Variants in TENM3 observed in about 807,000 individuals in gnomAD.
The protein encoded by TENM3 is teneurin-3.
A neutral mutation model predicts 255.1 loss-of-function variants in TENM3; 63 were observed. The observed-to-expected ratio is 0.25, with a 90% CI of 0.20 to 0.30. TENM3 has a LOEUF of 0.30. Ranked by LOEUF, TENM3 falls within the 10% of genes least tolerant of loss-of-function variation. The probability of loss-of-function intolerance (pLI) is 1.00; values close to 1 mark genes in which losing one functional copy is unlikely to be tolerated. For synonymous variants in TENM3, 1,306 were observed against 1,322.3 expected, an observed-to-expected ratio of 0.99 and a Z score of 0.27; for missense variants, 2,929 against 3,461.1, an observed-to-expected ratio of 0.85 and a Z score of 3.86.
At chr4:182,732,606 G>C (rs1276404415) in intron 16 of TENM3, among the ~76,000 whole-genome samples, 1 of 152,162 alleles carries the variant, frequency 6.6e-6, no homozygotes, top group African/African-American at 2.4e-5. Context: ...CAGGAGGATG[G>C]ATCGAGCCCA....
chr4:182,244,288 G>T (rs972749563), intron 1 of TENM3, among the ~76,000 whole-genome samples: 1 of 152,100 alleles, frequency 6.6e-6, no homozygotes, highest in African/African-American at 2.4e-5. Flanking sequence ...ATAACCCAGG[G>T]TATTAGACCA....
At chr4:181,611,094 T>C in the TENM3 span, among the ~76,000 whole-genome samples, 3 of 152,188 alleles carry the variant, frequency 2.0e-5, no homozygotes, top group Non-Finnish European at 4.4e-5. Flanking sequence ...CTAAGGAACA[T>C]GTTGTGCCAT....
intron 19 of TENM3, among the ~76,000 whole-genome samples, chr4:182,744,853 G>A (rs936201734): frequency 6.6e-6 from 1 of 152,176 alleles, no homozygotes; most frequent in East Asian, 1.9e-4. Flanking sequence ...ACTCAGAAGT[G>A]TTTCATGTCT....
intron 4 of TENM3, among the ~76,000 whole-genome samples, chr4:182,615,271 A>G (rs976822978): frequency 6.7e-6 from 1 of 149,658 alleles, no homozygotes; most frequent in African/African-American, 2.4e-5. Flanking sequence ...AGTTGAAACA[A>G]GGCTTTTAGA....
chr4:181,751,228 G>C, the TENM3 span, among the ~76,000 whole-genome samples: 2,191 of 152,162 alleles, frequency 0.014, 54 homozygotes, highest in African/African-American at 0.049. Flanking sequence ...TGCGGGGTTA[G>C]GGTTAATTTA....
chr4:182,175,136 G>C (rs1342578689), intron 1 of TENM3, among the ~76,000 whole-genome samples: 1 of 151,712 alleles, frequency 6.6e-6, no homozygotes, highest in African/African-American at 2.4e-5. Context: ...TTTTCACTGT[G>C]TCAGAAATTA....
At chr4:181,782,710 T>C in the TENM3 span, among the ~76,000 whole-genome samples, 3 of 152,094 alleles carry the variant, frequency 2.0e-5, no homozygotes, top group Admixed American at 2.0e-4. Flanking sequence ...TAATTGTGAC[T>C]TTAGGGTGTC....
At chr4:182,359,125 A>G (rs1269905399) in intron 3 of TENM3, among the ~76,000 whole-genome samples, 1 of 152,014 alleles carries the variant, frequency 6.6e-6, no homozygotes, top group Non-Finnish European at 1.5e-5. Context: ...GTTTGCCGGT[A>G]TTTTATTGAG....
intron 3 of TENM3, among the ~76,000 whole-genome samples, chr4:182,541,204 T>A (rs1445765240): frequency 6.6e-6 from 1 of 152,178 alleles, no homozygotes; most frequent in Non-Finnish European, 1.5e-5. Context: ...ATGGTGTTTT[T>A]GAAAAACTGA....
In TENM3 at chr4:182,372,948, C is replaced by T. The variant is rs187147745; in HGVS notation, c.511+26019C>T. Among the ~76,000 whole-genome samples, 3 of 152,164 alleles carry T rather than the reference C, an allele frequency of 2.0e-5. No homozygotes were observed. In the East Asian group the frequency reaches 5.8e-4, roughly 30 times the overall value. ...AGAGATGAGGTTTCACCAGGTTGCT[C>T]AGGCTGGTCTCAAACTCCCGAACTC... On this transcript the variant is annotated intron_variant, in intron 3 of 27. Transcript: ENST00000511685.
the TENM3 span, among the ~76,000 whole-genome samples, chr4:181,581,398 G>C: frequency 6.6e-6 from 1 of 152,084 alleles, no homozygotes; most frequent in Non-Finnish European, 1.5e-5. Flanking sequence ...CCGAGATAGT[G>C]CCACTGCCCT....
At chr4:182,710,130 C>A (rs571303027) in intron 12 of TENM3, among the ~76,000 whole-genome samples, 54 of 152,246 alleles carry the variant, frequency 3.5e-4, no homozygotes, top group African/African-American at 1.3e-3. Flanking sequence ...GCAGGCCTAA[C>A]GTAAAAGCAA....
the TENM3 span, among the ~76,000 whole-genome samples, chr4:181,507,132 A>G: frequency 6.6e-6 from 1 of 152,166 alleles, no homozygotes; most frequent in Non-Finnish European, 1.5e-5. Context: ...CCAGCCTTAC[A>G]GTTTTTCAAT....
At chr4:182,007,380 GA>G in the TENM3 span, among the ~76,000 whole-genome samples, 2 of 152,120 alleles carry the variant, frequency 1.3e-5, no homozygotes, top group South Asian at 4.1e-4. Flanking sequence ...AGGTCTCTAA[GA>G]ACCTGTTTTA....
the TENM3 span, among the ~76,000 whole-genome samples, chr4:181,582,226 A>G: frequency 2.6e-5 from 4 of 152,140 alleles, no homozygotes; most frequent in Non-Finnish European, 4.4e-5. Context: ...TGCATAGGGC[A>G]CGGGCCTGTC....
intron 12 of TENM3, among the ~76,000 whole-genome samples, chr4:182,702,568 A>G (rs1392450905): frequency 3.9e-5 from 6 of 152,162 alleles, no homozygotes; most frequent in Non-Finnish European, 7.3e-5. Context: ...CTAAGGCCCA[A>G]TGCAAACTGT....
chr4:181,860,274 A>T, the TENM3 span, among the ~76,000 whole-genome samples: 58 of 152,244 alleles, frequency 3.8e-4, 1 homozygote, highest in African/African-American at 1.2e-3. Flanking sequence ...GCACAGGGCC[A>T]TTGCTTAATT....
At chr4:182,085,071 C>A in the TENM3 span, 1 of 152,240 alleles carries the variant, frequency 6.6e-6, no homozygotes, top group Non-Finnish European at 1.5e-5. Context: ...TGTTTGCCAT[C>A]CATAAAGAAA....
At chr4:181,459,907 A>G in the TENM3 span, among the ~76,000 whole-genome samples, 3 of 151,946 alleles carry the variant, frequency 2.0e-5, no homozygotes, top group Non-Finnish European at 4.4e-5. Context: ...GGGAAAATTG[A>G]CACATCAACG....
Sources: allele counts gnomAD v4.1 joint callset (sites outside exome capture counted in the v4.1 genomes callset), GRCh38; gene constraint gnomAD v4.1.1; transcripts MANE v1.5; gene names NCBI Gene and HGNC (gene_info 2026-07-23, HGNC 2026-07-21).